Variants in COL21A1 observed in about 807,000 individuals in gnomAD.
COL21A1 encodes collagen type XXI alpha 1 chain, also known as collagen alpha-1(XXI) chain.
COL21A1 carries 149 observed loss-of-function variants against 137.9 expected under a neutral mutation model. The ratio of observed to expected loss-of-function variants is 1.08; its 90% confidence interval spans 0.95 to 1.24. The LOEUF is 1.24. Ranked by LOEUF, COL21A1 falls within the 50% of genes most tolerant of loss-of-function variation. The pLI is 0.00. For missense variants in COL21A1, 1,167 were observed against 1,158.4 expected, an observed-to-expected ratio of 1.01 and a Z score of -0.11; for synonymous variants, 456 against 391.5, an observed-to-expected ratio of 1.16 and a Z score of -1.95.
chr6:56,196,933 G>C (rs956503730), intron 1 of COL21A1, among the ~76,000 whole-genome samples: 37 of 151,912 alleles, frequency 2.4e-4, no homozygotes, highest in Admixed American at 2.2e-3. Context: ...AAGCAATCTT[G>C]AACAAGAAGA....
At chr6:56,124,002 GT>G (rs1561890020) in intron 16 of COL21A1, 59 bp downstream of exon 16, 13 of 1,350,242 alleles carry the variant, frequency 9.6e-6, no homozygotes, top group Non-Finnish European at 1.1e-5. Context: ...TTTTTCTTAT[GT>G]TTCCTCTCAA....
At chr6:56,260,888 G>GTA (rs1343173653) in intron 1 of COL21A1, among the ~76,000 whole-genome samples, 5 of 143,998 alleles carry the variant, frequency 3.5e-5, no homozygotes, top group East Asian at 4.1e-4. Flanking sequence ...ATGTGTGTGT[G>GTA]TGTGTACCTT....
At chr6:56,084,204 A>C (rs554562003) in intron 17 of COL21A1, among the ~76,000 whole-genome samples, 6 of 148,922 alleles carry the variant, frequency 4.0e-5, no homozygotes, top group Middle Eastern at 3.5e-3. Context: ...ATATTGCCTA[A>C]GTATGCAGAA....
chr6:56,092,349 G>T (rs1768911627), intron 17 of COL21A1, among the ~76,000 whole-genome samples: 1 of 152,072 alleles, frequency 6.6e-6, no homozygotes, highest in Non-Finnish European at 1.5e-5. Flanking sequence ...TATCCATGCA[G>T]ATCCTTTTTT....
At chr6:56,332,085 T>G (rs1208928895) in intron 1 of COL21A1, 1 of 152,368 alleles carries the variant, frequency 6.6e-6, no homozygotes, top group South Asian at 2.1e-4. Context: ...GTATACTGCC[T>G]TTTCTAGTTG....
chr6:56,090,944 A>G (rs943053198), intron 17 of COL21A1, among the ~76,000 whole-genome samples: 4 of 152,194 alleles, frequency 2.6e-5, no homozygotes, highest in Admixed American at 1.3e-4. Flanking sequence ...AGTATTACAA[A>G]TCTGTACAAA....
chr6:56,158,015 C>T (rs1007292348), intron 9 of COL21A1, among the ~76,000 whole-genome samples: 1 of 152,158 alleles, frequency 6.6e-6, no homozygotes. Context: ...CAGTACTGAC[C>T]ATTCAGATGG....
intron 1 of COL21A1, among the ~76,000 whole-genome samples, chr6:56,208,591 A>G (rs1359620767): frequency 1.3e-5 from 2 of 152,224 alleles, no homozygotes; most frequent in South Asian, 2.1e-4. Context: ...GAAAATGACC[A>G]TACTGCCCAA....
At position 56,182,635 on chromosome 6, in the gene COL21A1, T is replaced by C. The variant is rs1426157158; in HGVS notation, c.-17A>G. The stretch of plus-strand genomic sequence containing the variant: ...GTGAGCCATGTTTCTGTTTTCGTTC[T>C]AATATTTTGGTTTTAGGATTCCTAG... On this transcript the variant is annotated 5_prime_UTR_variant, in exon 2 of 30. Transcript: ENST00000244728. 6.4e-7 allele frequency: 1 copy of C among 1,572,816 alleles called. No individual in the cohort carries two copies. The highest frequency in any genetic ancestry group is 2.3e-5 in the East Asian group (1 of 44,120).
At chr6:56,130,880 C>T (rs1773505500) in intron 12 of COL21A1, among the ~76,000 whole-genome samples, 1 of 152,074 alleles carries the variant, frequency 6.6e-6, no homozygotes, top group Non-Finnish European at 1.5e-5. Context: ...ACACATTATA[C>T]TCAATCAAGT....
At chr6:56,166,673 A>G in intron 7 of COL21A1, 1 of 603,052 alleles carries the variant, frequency 1.7e-6, no homozygotes, top group Non-Finnish European at 3.0e-6. Context: ...AAACACAACA[A>G]GAAAACATTC....
intron 1 of COL21A1, among the ~76,000 whole-genome samples, chr6:56,377,723 C>T (rs376649150): frequency 9.9e-5 from 15 of 152,250 alleles, no homozygotes; most frequent in African/African-American, 3.6e-4. Context: ...ACACAACCTA[C>T]TAAGACACCA....
intron 22 of COL21A1, 82 bp downstream of exon 22, chr6:56,068,964 C>T: frequency 7.2e-6 from 6 of 830,318 alleles, no homozygotes; most frequent in South Asian, 4.8e-5. Flanking sequence ...ATAACAAGTC[C>T]TACTTTAAGA....
chr6:56,384,790 G>T (rs2094014786), intron 1 of COL21A1, among the ~76,000 whole-genome samples: 1 of 152,140 alleles, frequency 6.6e-6, no homozygotes. Flanking sequence ...TTCCTCTGTG[G>T]ACTAAATTCT....
chr6:56,231,826 G>C (rs529223025), intron 1 of COL21A1, among the ~76,000 whole-genome samples: 1 of 151,812 alleles, frequency 6.6e-6, no homozygotes, highest in South Asian at 2.1e-4. Flanking sequence ...GTAACATTCA[G>C]ATCATTCTCT....
intron 16 of COL21A1, among the ~76,000 whole-genome samples, chr6:56,111,828 C>G (rs531614920): frequency 6.6e-6 from 1 of 151,518 alleles, no homozygotes; most frequent in Non-Finnish European, 1.5e-5. Flanking sequence ...AAGCCAAGAT[C>G]GTGCCATTGC....
chr6:56,345,308 G>A (rs1414353490), intron 1 of COL21A1, among the ~76,000 whole-genome samples: 2 of 152,102 alleles, frequency 1.3e-5, no homozygotes, highest in African/African-American at 4.8e-5. Context: ...TGAGTAGGTG[G>A]CTTTTTGCAG....
intron 1 of COL21A1, among the ~76,000 whole-genome samples, chr6:56,325,210 GCC>G (rs1253071535): frequency 8.1e-5 from 9 of 111,234 alleles, no homozygotes; most frequent in Admixed American, 1.2e-4. Flanking sequence ...TGTTATAGGA[GCC>G]TTGGTCATGA....
At chr6:56,338,915 T>C (rs1243460407) in intron 1 of COL21A1, among the ~76,000 whole-genome samples, 1 of 152,170 alleles carries the variant, frequency 6.6e-6, no homozygotes, top group Non-Finnish European at 1.5e-5. Flanking sequence ...GCAGCTCACA[T>C]GCTTCTTTAT....
Sources: allele counts gnomAD v4.1 joint callset (sites outside exome capture counted in the v4.1 genomes callset), GRCh38; gene constraint gnomAD v4.1.1; transcripts MANE v1.5; gene names NCBI Gene and HGNC (gene_info 2026-07-23, HGNC 2026-07-21).